Variants in MFHAS1 observed in about 807,000 individuals in gnomAD.
The protein encoded by MFHAS1 is malignant fibrous histiocytoma-amplified sequence 1.
In MFHAS1, 50 loss-of-function variants were observed where a neutral mutation model predicts 70.4. That is an observed-to-expected ratio of 0.71 (90% confidence interval 0.57 to 0.90). The LOEUF (loss-of-function observed/expected upper bound fraction) is 0.90, where lower values mean the gene tolerates loss of function less well. MFHAS1 is among the 40% of genes least tolerant of loss of function. The pLI is 0.00. For missense variants in MFHAS1, 1,795 were observed against 1,347.6 expected (o/e 1.33, Z -5.20); for synonymous variants, 952 against 620.0 (o/e 1.54, Z -7.96).
At chr8:8,883,726 A>G (rs1170153531) in intron 1 of MFHAS1, among the ~76,000 whole-genome samples, 5 of 149,420 alleles carry the variant, frequency 3.3e-5, no homozygotes, top group African/African-American at 4.9e-5. Context: ...AAAAAAAAAA[A>G]AAAAAGAAAG....
At chr8:8,871,134 C>T (rs1809060284) in intron 1 of MFHAS1, among the ~76,000 whole-genome samples, 1 of 152,186 alleles carries the variant, frequency 6.6e-6, no homozygotes, top group Non-Finnish European at 1.5e-5. Context: ...ACAACCTGGG[C>T]TCTGCTACAT....
intron 1 of MFHAS1, among the ~76,000 whole-genome samples, chr8:8,800,840 C>T (rs985298633): frequency 1.2e-4 from 19 of 152,128 alleles, no homozygotes; most frequent in African/African-American, 4.1e-4. Context: ...CCTCAGCACC[C>T]ATCCCTGGCA....
At position 8,891,747 on chromosome 8, in the gene MFHAS1, G is replaced by C. The variant is rs763862605; in HGVS notation, c.1312C>G (p.Pro438Ala). The change falls in exon 1 of 3, where the codon CCA becomes GCA. Residue 438 changes from proline to alanine, a missense_variant. Transcript: ENST00000276282. This position sits in a 1 kb window ranked among gnomAD's most constrained non-coding sequence, Gnocchi z 5.4. ...CACTTCTCCTTGTCCCCTCCTCCTG[G>C]GCATCCCTCCACTCTCTCCTCGGTG... ...CLTEERVEGCPGGGDKEKCYP... is the reference protein window; with the variant it reads ...CLTEERVEGCAGGGDKEKCYP... 5.6e-6 allele frequency: 9 copies of C among 1,613,342 alleles called. No homozygotes were observed. The South Asian group carries it at 9.9e-5, about 18-fold the overall frequency.
intron 1 of MFHAS1, among the ~76,000 whole-genome samples, chr8:8,847,255 C>T (rs1045118097): frequency 1.3e-5 from 2 of 152,144 alleles, no homozygotes; most frequent in African/African-American, 4.8e-5. Context: ...GATGTGGGCT[C>T]ACTGCAACCT....
chr8:8,839,001 T>G (rs978567670), intron 1 of MFHAS1, among the ~76,000 whole-genome samples: 6 of 152,096 alleles, frequency 3.9e-5, no homozygotes, highest in African/African-American at 1.4e-4. Flanking sequence ...AGATTTTAAT[T>G]CAAGTACAAG....
intron 1 of MFHAS1, among the ~76,000 whole-genome samples, chr8:8,849,729 A>T (rs1039394093): frequency 1.3e-5 from 2 of 152,184 alleles, no homozygotes; most frequent in African/African-American, 4.8e-5. Context: ...ATTTGTCTAA[A>T]CTTCAAACAG....
At chr8:8,832,315 T>C (rs4840365) in intron 1 of MFHAS1, among the ~76,000 whole-genome samples, 36,146 of 151,910 alleles carry the variant, frequency 0.24, 5,554 homozygotes, top group Non-Finnish European at 0.36. Flanking sequence ...TTGTAATACA[T>C]ACATCTGGCA....
In MFHAS1 at chr8:8,890,509, G is replaced by A. The variant is rs774404630; in HGVS notation, c.2550C>T (p.Phe850=). 2.5e-6 allele frequency: 4 copies of A among 1,613,470 alleles called. No homozygotes were observed. The highest frequency in any genetic ancestry group is 1.3e-5 in the African/African-American group (1 of 74,940). The change falls in exon 1 of 3, where the codon TTC becomes TTT. Residue 850 remains phenylalanine, a synonymous_variant. Transcript: ENST00000276282. ...GCACCTCGTTCTGCACATAGCATGG[G>A]AACTTGTACCAAGCTGTGGACCCAT... The part of the protein sequence containing the change: ...PLNGSTAWYK[F]PCYVQNEVPH...
intron 1 of MFHAS1, among the ~76,000 whole-genome samples, chr8:8,876,671 C>T (rs1237116982): frequency 6.6e-6 from 1 of 151,930 alleles, no homozygotes; most frequent in Non-Finnish European, 1.5e-5. Flanking sequence ...GCCACCACAC[C>T]TGGCCTATAA....
chr8:8,830,475 G>C (rs574438657), intron 1 of MFHAS1, among the ~76,000 whole-genome samples: 3 of 152,182 alleles, frequency 2.0e-5, no homozygotes, highest in East Asian at 1.9e-4. Context: ...TAAAATTACA[G>C]GTTATTAAAT....
chr8:8,859,995 G>T (rs1378616430), intron 1 of MFHAS1: 2 of 152,174 alleles, frequency 1.3e-5, no homozygotes, highest in Non-Finnish European at 2.9e-5. Context: ...CATACCTTAG[G>T]TGGAGGATTT....
chr8:8,838,853 T>C (rs561290625), intron 1 of MFHAS1, among the ~76,000 whole-genome samples: 1 of 152,052 alleles, frequency 6.6e-6, no homozygotes, highest in Non-Finnish European at 1.5e-5. Context: ...GCTTCTCTTC[T>C]CCCTTCCTGA....
intron 2 of MFHAS1, among the ~76,000 whole-genome samples, chr8:8,796,855 G>T (rs943325844): frequency 1.3e-5 from 2 of 151,106 alleles, no homozygotes; most frequent in African/African-American, 4.9e-5. Context: ...AATTAGCTGG[G>T]CATGGTGGTG....
intron 1 of MFHAS1, among the ~76,000 whole-genome samples, chr8:8,872,219 C>T (rs1429738812): frequency 2.0e-5 from 3 of 152,176 alleles, no homozygotes; most frequent in Non-Finnish European, 4.4e-5. Flanking sequence ...TTGTCTATGA[C>T]CAAAGAATCG....
intron 2 of MFHAS1, 92 bp downstream of exon 2, chr8:8,797,273 C>A: frequency 6.8e-7 from 1 of 1,464,058 alleles, no homozygotes. Context: ...AAGGTTTGTG[C>A]AGATGCAGTT....
At position 8,890,949 on chromosome 8, in the gene MFHAS1, G is replaced by C. The variant is rs199996649; in HGVS notation, c.2110C>G (p.Leu704Val). 145 of 1,613,924 alleles carry C rather than the reference G, an allele frequency of 9.0e-5. No individual in the cohort carries two copies. Among genetic ancestry groups the C allele is most frequent in the Non-Finnish European group, 1.1e-4 (131 of 1,180,034 alleles). Residue 704 changes from leucine to valine, a missense_variant, in exon 1 of 3, where the codon CTC becomes GTC. By Grantham distance (32) the Leu-to-Val change is conservative (BLOSUM62 1). Coordinates refer to ENST00000276282, the MANE Select transcript of MFHAS1 (RefSeq NM_004225.3). ...TTGCCGCTCTCATGCAGGTAGGAGA[G>C]GGCACTCTGCAGTCGGTCCTCGGTC... ...GLTEDRLQSA[L>V]SYLHESGKLL...
At chr8:8,890,022 C>G (rs1809924477) in intron 1 of MFHAS1, 39 bp downstream of exon 1, 1 of 1,472,414 alleles carries the variant, frequency 6.8e-7, no homozygotes, top group African/African-American at 1.4e-5. Flanking sequence ...ACATATCTTA[C>G]AGCATACCAC....
At chr8:8,813,933 T>C (rs1020522747) in intron 1 of MFHAS1, among the ~76,000 whole-genome samples, 3 of 151,748 alleles carry the variant, frequency 2.0e-5, no homozygotes, top group African/African-American at 7.3e-5. Flanking sequence ...TATACCACAT[T>C]TTTATCTTTT....
chr8:8,823,686 C>T (rs554810427), intron 1 of MFHAS1, among the ~76,000 whole-genome samples: 2 of 150,754 alleles, frequency 1.3e-5, no homozygotes, highest in African/African-American at 4.9e-5. Flanking sequence ...CCCTAATTCT[C>T]CCGTCTTCAG....
Sources: gnomAD v4.1 joint callset for allele counts (sites outside exome capture counted in the v4.1 genomes callset) on GRCh38, gnomAD v4.1.1 for gene constraint, Gnocchi (gnomAD v3.1) non-coding constraint, MANE v1.5 for transcripts, NCBI Gene and HGNC (gene_info 2026-07-23, HGNC 2026-07-21) for gene names.